The following ABCD2 variants were observed in gnomAD, a reference collection of about 807,000 sequenced individuals.
ABCD2 encodes ATP-binding cassette sub-family D member 2.
A neutral mutation model predicts 70.9 loss-of-function variants in ABCD2; 36 were observed. The ratio of observed to expected loss-of-function variants is 0.51; its 90% CI spans 0.39 to 0.67. ABCD2 has a LOEUF of 0.67. Among genes scored for constraint, ABCD2 ranks in the 30% least tolerant of loss-of-function variants. The pLI is 0.00. For synonymous variants in ABCD2, 304 were observed against 306.9 expected (o/e 0.99, Z 0.10); for missense variants, 729 against 890.2 (o/e 0.82, Z 2.30).
chr12:39,571,118 G>C (rs997279789), intron 9 of ABCD2, among the ~76,000 whole-genome samples: 1 of 152,152 alleles, frequency 6.6e-6, no homozygotes, highest in African/African-American at 2.4e-5. Flanking sequence ...ACACACCTTT[G>C]GTGGGAATAT....
At position 39,553,367 on chromosome 12, in the gene ABCD2, C is replaced by A. The variant is rs570127861; in HGVS notation, c.*545G>T. On this transcript the variant is annotated 3_prime_UTR_variant, in exon 10 of 10. Transcript: ENST00000308666. ...TTTTAGCCATGCTTTTTTCTTTCAACAAATGCCATTAAAACAATTTTTATA... is the reference window on the plus strand; with the variant it reads ...TTTTAGCCATGCTTTTTTCTTTCAAAAAATGCCATTAAAACAATTTTTATA... The A allele has an allele frequency of 6.6e-6, 1 of 152,026 alleles. No individual in the cohort carries two copies. Among genetic ancestry groups the A allele is most frequent in the South Asian group, 2.1e-4 (1 of 4,822 alleles). The allele number at this position is 152,026 out of a possible 1,614,324, so 9.4% of individuals were successfully genotyped here.
At chr12:39,578,250 G>A (rs370605144) in intron 8 of ABCD2, among the ~76,000 whole-genome samples, 92 of 152,186 alleles carry the variant, frequency 6.0e-4, no homozygotes, top group African/African-American at 2.1e-3. Flanking sequence ...CGAGGCGGGC[G>A]GATCACGAGG....
chr12:39,607,745 G>GTTTTTT, intron 2 of ABCD2, 31 bp from the exon 3 acceptor site: 229 of 774,602 alleles, frequency 3.0e-4, no homozygotes, highest in South Asian at 6.9e-4. Flanking sequence ...CAAAACTTGA[G>GTTTTTT]TTTTTTTTTT....
chr12:39,606,254 G>A (rs1021506690), intron 3 of ABCD2, among the ~76,000 whole-genome samples: 4 of 152,052 alleles, frequency 2.6e-5, no homozygotes, highest in African/African-American at 7.2e-5. Flanking sequence ...ATTACTCTGG[G>A]GTACAAGACA....
At chr12:39,564,827 C>A (rs1285724593) in intron 9 of ABCD2, among the ~76,000 whole-genome samples, 1 of 152,132 alleles carries the variant, frequency 6.6e-6, no homozygotes, top group Non-Finnish European at 1.5e-5. Context: ...GGAAGGGATC[C>A]AGTTTCAGCT....
intron 7 of ABCD2, 144 bp from the exon 8 acceptor site, chr12:39,579,763 A>G: frequency 1.7e-6 from 1 of 577,982 alleles, no homozygotes; most frequent in Non-Finnish European, 3.0e-6. Flanking sequence ...TGGATAAACT[A>G]CAGAGCCTCA....
intron 9 of ABCD2, among the ~76,000 whole-genome samples, chr12:39,558,438 CA>C (rs2120536582): frequency 6.6e-6 from 1 of 152,286 alleles, no homozygotes; most frequent in East Asian, 1.9e-4. Flanking sequence ...CGAAATGATA[CA>C]GTTTGGCTGT....
chr12:39,587,651 A>C (rs1941684104), intron 6 of ABCD2, among the ~76,000 whole-genome samples: 1 of 152,220 alleles, frequency 6.6e-6, no homozygotes, highest in Admixed American at 6.5e-5. Context: ...GGGAGGAACA[A>C]GGTGGAATGG....
intron 6 of ABCD2, among the ~76,000 whole-genome samples, chr12:39,600,021 T>G (rs1941874884): frequency 6.6e-6 from 1 of 151,946 alleles, no homozygotes; most frequent in African/African-American, 2.4e-5. Flanking sequence ...AGATGATAGC[T>G]AAAGAGCTCT....
chr12:39,547,629 A>G (rs1941038379), downstream of ABCD2, among the ~76,000 whole-genome samples: 1 of 152,126 alleles, frequency 6.6e-6, no homozygotes, highest in Admixed American at 6.6e-5. Flanking sequence ...CATAGAAACA[A>G]AGTAGACTGG....
At chr12:39,565,850 T>A (rs988394709) in intron 9 of ABCD2, among the ~76,000 whole-genome samples, 1 of 152,200 alleles carries the variant, frequency 6.6e-6, no homozygotes, top group Admixed American at 6.5e-5. Context: ...GGTTGTTGAA[T>A]TTTGTTAGAG....
intron 2 of ABCD2, among the ~76,000 whole-genome samples, chr12:39,611,895 G>C (rs1426071918): frequency 6.6e-6 from 1 of 152,028 alleles, no homozygotes; most frequent in Non-Finnish European, 1.5e-5. Context: ...TTACAAATCA[G>C]TAAGAAAAAA....
chr12:39,597,104 T>C (rs1179650934), intron 6 of ABCD2, among the ~76,000 whole-genome samples: 2 of 152,210 alleles, frequency 1.3e-5, no homozygotes, highest in African/African-American at 4.8e-5. Flanking sequence ...TAATGTGATG[T>C]ATGCAAATGA....
chr12:39,582,436 C>A (rs541087728), intron 7 of ABCD2, among the ~76,000 whole-genome samples: 1 of 152,144 alleles, frequency 6.6e-6, no homozygotes, highest in South Asian at 2.1e-4. Context: ...ACTCAATAGC[C>A]CATAACAATT....
intron 4 of ABCD2, 52 bp downstream of exon 4, chr12:39,604,710 T>C (rs1483612636): frequency 2.1e-6 from 3 of 1,405,070 alleles, no homozygotes; most frequent in Non-Finnish European, 2.8e-6. Flanking sequence ...ACTTTGGTTC[T>C]GTTGATAAAT....
intron 9 of ABCD2, among the ~76,000 whole-genome samples, chr12:39,569,132 G>A (rs1941406628): frequency 6.6e-6 from 1 of 152,220 alleles, no homozygotes; most frequent in Non-Finnish European, 1.5e-5. Context: ...TGTGCTGTGA[G>A]AACCACTGCT....
the ABCD2 span, among the ~76,000 whole-genome samples, chr12:39,538,167 C>CTTTT: frequency 4.1e-4 from 58 of 142,832 alleles, 4 homozygotes; most frequent in African/African-American, 8.8e-4. Context: ...CATTTTCTTT[C>CTTTT]TTTCTTTTTT....
chr12:39,604,661 A>G (rs1941946353), intron 4 of ABCD2, 101 bp downstream of exon 4: 1 of 893,736 alleles, frequency 1.1e-6, no homozygotes, highest in Non-Finnish European at 1.6e-6. Context: ...GGTTATTTAA[A>G]TGTTGGTACT....
chr12:39,603,869 A>T, intron 5 of ABCD2, 43 bp downstream of exon 5: 1 of 1,398,714 alleles, frequency 7.1e-7, no homozygotes, highest in Non-Finnish European at 1.0e-6. Flanking sequence ...GTTTTGTATT[A>T]GTGTGATGGC....
Sources: allele counts gnomAD v4.1 joint callset (sites outside exome capture counted in the v4.1 genomes callset), GRCh38; gene constraint gnomAD v4.1.1; transcripts MANE v1.5; gene names NCBI Gene and HGNC (gene_info 2026-07-23, HGNC 2026-07-21).